The following PLEKHH2 variants were observed in gnomAD, a reference collection of about 807,000 sequenced individuals.
PLEKHH2 encodes pleckstrin homology domain-containing family H member 2.
PLEKHH2 carries 129 observed loss-of-function variants against 187.9 expected under a neutral mutation model. That is an observed-to-expected ratio of 0.69 (90% CI 0.59 to 0.79). The LOEUF is 0.79. Ranked by LOEUF, PLEKHH2 falls within the 30% of genes least tolerant of loss-of-function variation. The probability of loss-of-function intolerance (pLI) is 0.00; values close to 1 mark genes in which losing one functional copy is unlikely to be tolerated. For missense variants in PLEKHH2, 2,076 were observed against 1,751.2 expected (o/e 1.19, Z -3.31); for synonymous variants, 686 against 605.6 (o/e 1.13, Z -1.95).
chr2:43,674,757 T>G (rs4497912), intron 2 of PLEKHH2, among the ~76,000 whole-genome samples: 99,148 of 151,588 alleles, frequency 0.65, 33,208 homozygotes, highest in Middle Eastern at 0.72. Flanking sequence ...GGCTGAGGCA[T>G]GTGGATCACC....
At chr2:43,759,932 TC>T (rs1213690986) in intron 27 of PLEKHH2, among the ~76,000 whole-genome samples, 2 of 152,240 alleles carry the variant, frequency 1.3e-5, no homozygotes, top group African/African-American at 4.8e-5. Flanking sequence ...TAACTCTGAT[TC>T]TATGAGTGAC....
chr2:43,715,915 G>A (rs535640267), intron 15 of PLEKHH2, among the ~76,000 whole-genome samples: 1 of 152,286 alleles, frequency 6.6e-6, no homozygotes, highest in Admixed American at 6.5e-5. Context: ...ATGTAGGGCA[G>A]GGGAGAGCAG....
At chr2:43,653,358 A>G (rs1666583010) in intron 2 of PLEKHH2, among the ~76,000 whole-genome samples, 1 of 152,246 alleles carries the variant, frequency 6.6e-6, no homozygotes, top group Non-Finnish European at 1.5e-5. Context: ...CAAAAGCACC[A>G]CTAGAAATTA....
chr2:43,725,985 G>T (rs1037526527), intron 16 of PLEKHH2, among the ~76,000 whole-genome samples: 1 of 151,748 alleles, frequency 6.6e-6, no homozygotes, highest in Non-Finnish European at 1.5e-5. Context: ...GGGCATGGTG[G>T]CATGTGCCTG....
intron 20 of PLEKHH2, among the ~76,000 whole-genome samples, chr2:43,740,035 G>A (rs1049837752): frequency 1.3e-5 from 2 of 152,168 alleles, no homozygotes; most frequent in Non-Finnish European, 2.9e-5. Flanking sequence ...TAAGGGCAGG[G>A]ACAATGCCTA....
At chr2:43,672,940 G>T (rs1667559632) in intron 2 of PLEKHH2, among the ~76,000 whole-genome samples, 1 of 152,074 alleles carries the variant, frequency 6.6e-6, no homozygotes, top group South Asian at 2.1e-4. Context: ...ACATTTGATT[G>T]CAACATTCAT....
intron 24 of PLEKHH2, among the ~76,000 whole-genome samples, chr2:43,746,764 A>G (rs1671794393): frequency 6.6e-6 from 1 of 151,812 alleles, no homozygotes; most frequent in Admixed American, 6.6e-5. Flanking sequence ...AGGTCAGGAG[A>G]TCGAGACCAT....
At chr2:43,702,108 A>C (rs1669403422) in intron 8 of PLEKHH2, among the ~76,000 whole-genome samples, 2 of 152,194 alleles carry the variant, frequency 1.3e-5, no homozygotes, top group Non-Finnish European at 2.9e-5. Flanking sequence ...TTTTCTTCAC[A>C]TGCTGGCATA....
intron 18 of PLEKHH2, among the ~76,000 whole-genome samples, chr2:43,730,217 C>T (rs910937679): frequency 2.0e-5 from 3 of 152,156 alleles, no homozygotes; most frequent in Non-Finnish European, 2.9e-5. Context: ...GAATGTGGCC[C>T]AACACAAATT....
intron 27 of PLEKHH2, among the ~76,000 whole-genome samples, chr2:43,760,355 T>TA (rs200880944): frequency 0.13 from 19,182 of 142,776 alleles, 1,602 homozygotes; most frequent in South Asian, 0.22. Flanking sequence ...ATTTACCCTT[T>TA]AACCTTTTTT....
At chr2:43,693,522 G>A (rs888096849) in intron 4 of PLEKHH2, among the ~76,000 whole-genome samples, 4 of 151,934 alleles carry the variant, frequency 2.6e-5, no homozygotes, top group South Asian at 2.1e-4. Flanking sequence ...TCAGGAGATC[G>A]AGACCATCTG....
chr2:43,731,265 A>G (rs1378592405), intron 18 of PLEKHH2, among the ~76,000 whole-genome samples: 3 of 152,172 alleles, frequency 2.0e-5, no homozygotes, highest in African/African-American at 7.2e-5. Flanking sequence ...AACCTATGGA[A>G]ATTTTTAAAA....
intron 29 of PLEKHH2, 127 bp downstream of exon 29, chr2:43,764,492 G>A (rs957261243): frequency 3.2e-5 from 31 of 962,152 alleles, no homozygotes; most frequent in Non-Finnish European, 4.3e-5. Flanking sequence ...CTGCATTCCA[G>A]ATGGGAAAAC....
At chr2:43,640,950 A>ATTTT (rs58200065) in intron 1 of PLEKHH2, among the ~76,000 whole-genome samples, 2 of 115,770 alleles carry the variant, frequency 1.7e-5, no homozygotes, top group Non-Finnish European at 3.4e-5. Flanking sequence ...TGCCTGGCTA[A>ATTTT]TTTTTTTTTT....
intron 16 of PLEKHH2, among the ~76,000 whole-genome samples, chr2:43,723,075 C>A (rs1350949011): frequency 1.3e-5 from 2 of 152,130 alleles, no homozygotes; most frequent in South Asian, 2.1e-4. Context: ...AAATGAATAA[C>A]CATCTTTAAA....
intron 27 of PLEKHH2, among the ~76,000 whole-genome samples, chr2:43,761,290 G>T (rs923778864): frequency 6.6e-6 from 1 of 151,886 alleles, no homozygotes; most frequent in Non-Finnish European, 1.5e-5. Context: ...AACCAAACAA[G>T]CATCATTAAT....
intron 14 of PLEKHH2, chr2:43,711,023 T>C: frequency 1.0e-6 from 1 of 995,408 alleles, no homozygotes; most frequent in Non-Finnish European, 1.2e-6. Context: ...GGGAAATATA[T>C]TGGTGAGCAG....
In PLEKHH2 at chr2:43,700,562, C is replaced by T; in HGVS notation, c.1604C>T (p.Ala535Val). ...QEHCDSAKKV[A>V]YSKPPTPPLH... ...CACTGTGACTCAGCAAAGAAGGTGG[C>T]ATACAGCAAACCTCCAACTCCTCCC... The change falls in exon 8 of 30, where the codon GCA becomes GTA. Residue 535 changes from alanine (A) to valine (V), a missense_variant. By Grantham distance (64) the Ala-to-Val change is moderately conservative. Coordinates refer to ENST00000282406, the MANE Select transcript of PLEKHH2 (RefSeq NM_172069.4). 2 of 1,612,926 alleles carry T rather than the reference C, an allele frequency of 1.2e-6. No homozygotes were observed. Among genetic ancestry groups the T allele is most frequent in the Non-Finnish European group, 1.7e-6 (2 of 1,179,892 alleles).
intron 3 of PLEKHH2, among the ~76,000 whole-genome samples, chr2:43,686,986 A>C (rs1020926107): frequency 6.7e-6 from 1 of 150,232 alleles, no homozygotes; most frequent in Non-Finnish European, 1.5e-5. Context: ...ATATATTTAT[A>C]TTTTAAAATA....
Sources: gnomAD v4.1 joint callset for allele counts (sites outside exome capture counted in the v4.1 genomes callset) on GRCh38, gnomAD v4.1.1 for gene constraint, MANE v1.5 for transcripts, NCBI Gene and HGNC (gene_info 2026-07-23, HGNC 2026-07-21) for gene names.